NTNG2: variants seen among roughly 807,000 people sequenced by gnomAD.
The protein encoded by NTNG2 is netrin G2, also known as netrin-G2.
Under a neutral mutation model 47.6 loss-of-function variants are expected in NTNG2, and 15 were observed. The ratio of observed to expected loss-of-function variants is 0.32; its 90% CI spans 0.21 to 0.49. NTNG2 has a LOEUF of 0.49. Ranked by LOEUF, NTNG2 falls within the 20% of genes least tolerant of loss-of-function variation. The probability of loss-of-function intolerance (pLI) is 0.99; values close to 1 mark genes in which losing one functional copy is unlikely to be tolerated. For synonymous variants in NTNG2, 307 were observed against 324.6 expected (o/e 0.95, Z 0.58); for missense variants, 578 against 764.6 (o/e 0.76, Z 2.88).
chr9:132,237,393 G>A (rs1008259978), intron 5 of NTNG2, among the ~76,000 whole-genome samples: 10 of 152,182 alleles, frequency 6.6e-5, no homozygotes, highest in Admixed American at 2.0e-4. Context: ...CATGACAGAC[G>A]AAAGAACCTG....
At position 132,182,384 on chromosome 9, in the gene NTNG2, C is replaced by T. The variant is rs1589397153; in HGVS notation, c.213+15340C>T. 6.6e-6 allele frequency among the ~76,000 whole-genome samples: 1 copy of T among 152,174 alleles called. No homozygotes were observed. Among genetic ancestry groups the T allele is most frequent in the African/African-American group, 2.4e-5 (1 of 41,456 alleles). Reference sequence around the variant, plus strand: ...GTCTGCTTGGCACGGGGCAGCCCTACCCTCCTGCCCAGTTCCCCTCCCCTG... The same window carrying T: ...GTCTGCTTGGCACGGGGCAGCCCTATCCTCCTGCCCAGTTCCCCTCCCCTG... On this transcript the variant is annotated intron_variant, in intron 2 of 7. Coordinates refer to ENST00000393229, the MANE Select transcript of NTNG2 (RefSeq NM_032536.4). The surrounding 1 kb of genome is among the most constrained non-coding windows in gnomAD (Gnocchi z 4.2).
rs554788715 is a variant in NTNG2 at position 132,166,759 on chromosome 9, C to T, written c.-73C>T. 1.1e-4 allele frequency: 155 copies of T among 1,444,544 alleles called. No homozygotes were observed. Among genetic ancestry groups the T allele is most frequent in the African/African-American group, 2.2e-4 (16 of 71,704 alleles). 89.5% of individuals were successfully genotyped at this position (1,444,544 alleles called of 1,614,324 possible). A position where few individuals can be genotyped will look rare whatever the true frequency, so the allele number is the denominator to read the frequency against. On this transcript the variant is annotated 5_prime_UTR_variant, in exon 2 of 8. Transcript: ENST00000393229. Reference sequence around the variant, plus strand: ...AGATGTGGCATTTCCATGCTGAGGCCGCGAGTCCCGCCTGACCCCGTCGCT... The same window carrying T: ...AGATGTGGCATTTCCATGCTGAGGCTGCGAGTCCCGCCTGACCCCGTCGCT...
Position 132,241,925 on chromosome 9 carries a change from C to T in NTNG2, c.1407C>T (p.Cys469=). 4.4e-6 allele frequency: 7 copies of T among 1,576,018 alleles called. No individual in the cohort carries two copies. Among genetic ancestry groups the T allele is most frequent in the Non-Finnish European group, 6.0e-6 (7 of 1,168,008 alleles). ...DQLLCQNGGT[C]LQNQRCACPR... The stretch of plus-strand genomic sequence containing the variant: ...TGCTGTGCCAGAACGGAGGCACCTG[C>T]CTGCAGAACCAGCGCTGCGCCTGCC... The change falls in exon 8 of 8, where the codon TGC becomes TGT. Residue 469 remains cysteine (C), a synonymous_variant. Coordinates refer to ENST00000393229, the MANE Select transcript of NTNG2 (RefSeq NM_032536.4).
At chr9:132,177,645 G>A (rs1029848501) in intron 2 of NTNG2, among the ~76,000 whole-genome samples, 5 of 151,912 alleles carry the variant, frequency 3.3e-5, no homozygotes, top group African/African-American at 1.2e-4. Context: ...CAAATCTCTG[G>A]GTTTTTTTGT....
chr9:132,177,818 C>T (rs1380768559), intron 2 of NTNG2, among the ~76,000 whole-genome samples: 2 of 152,158 alleles, frequency 1.3e-5, no homozygotes, highest in African/African-American at 2.4e-5. Context: ...CCAGCACGCC[C>T]AGCTAATTTT....
At chr9:132,185,687 C>A (rs553517718) in intron 2 of NTNG2, among the ~76,000 whole-genome samples, 8 of 152,190 alleles carry the variant, frequency 5.3e-5, no homozygotes, top group African/African-American at 1.9e-4. Flanking sequence ...CTCTCCCGTT[C>A]TTTCATCCTT....
rs113043492 is a variant in NTNG2 at position 132,209,037 on chromosome 9, A to G, written c.857+10428A>G. Among the ~76,000 whole-genome samples, 1,266 of 152,228 alleles carry G rather than the reference A, an allele frequency of 8.3e-3. 18 individuals are homozygous for G. Among genetic ancestry groups the G allele is most frequent in the African/African-American group, 0.028 (1,171 of 41,540 alleles). On this transcript the variant is annotated intron_variant, in intron 3 of 7. Transcript: ENST00000393229. Reference sequence around the variant, plus strand: ...CTCGGGCTCCTCACTCCTGAGTAGGACTGTGCCGTGTGCACTGCACACCGT... The same window carrying G: ...CTCGGGCTCCTCACTCCTGAGTAGGGCTGTGCCGTGTGCACTGCACACCGT...
chr9:132,216,381 C>CCT (rs1199246893), intron 3 of NTNG2, among the ~76,000 whole-genome samples: 4,557 of 120,762 alleles, frequency 0.038, 105 homozygotes, highest in East Asian at 0.073. Flanking sequence ...GCTGACTCAG[C>CCT]CTCTCTCTCT....
In NTNG2 at chr9:132,236,179, G is replaced by A. The variant is rs1468356174; in HGVS notation, c.1055-2925G>A. On this transcript the variant is annotated intron_variant, in intron 5 of 7. Coordinates refer to ENST00000393229, the MANE Select transcript of NTNG2 (RefSeq NM_032536.4). This position sits in a 1 kb window ranked among gnomAD's most constrained non-coding sequence, Gnocchi z 4.3. ...GCCATGAGACCTCGGAGGGTGGACTGTGGTGGGTGAAGGGAGAAGGCAGCA... is the reference window on the plus strand; with the variant it reads ...GCCATGAGACCTCGGAGGGTGGACTATGGTGGGTGAAGGGAGAAGGCAGCA... Among the ~76,000 whole-genome samples the A allele has an allele frequency of 6.6e-6, 1 of 152,368 alleles. No individual in the cohort carries two copies. The highest frequency in any genetic ancestry group is 1.9e-4 in the East Asian group (1 of 5,186).
chr9:132,177,472 G>A lies in NTNG2; in HGVS notation c.213+10428G>A, dbSNP rs77683467. On this transcript the variant is annotated intron_variant, in intron 2 of 7. Coordinates refer to ENST00000393229, the MANE Select transcript of NTNG2 (RefSeq NM_032536.4). ...TTTGATCCATTTTGAGTTAATTTTTGTATCTGGTGTAAGGGAAAAGGTCTA... is the reference window on the plus strand; with the variant it reads ...TTTGATCCATTTTGAGTTAATTTTTATATCTGGTGTAAGGGAAAAGGTCTA... Among the ~76,000 whole-genome samples the A allele has an allele frequency of 1.1e-3, 161 of 152,260 alleles. 5 individuals carry two copies. The East Asian group carries it at 0.03, about 28-fold the overall frequency.
At chr9:132,200,379 A>G (rs1282959629) in intron 3 of NTNG2, among the ~76,000 whole-genome samples, 1 of 152,244 alleles carries the variant, frequency 6.6e-6, no homozygotes, top group African/African-American at 2.4e-5. Context: ...GTAATTCCTG[A>G]CAAGTGGAAA....
intron 3 of NTNG2, among the ~76,000 whole-genome samples, chr9:132,214,946 G>A (rs1331644957): frequency 6.6e-6 from 1 of 151,768 alleles, no homozygotes; most frequent in Non-Finnish European, 1.5e-5. Flanking sequence ...GCACAATCAC[G>A]GCTCACTGCA....
At chr9:132,227,454 G>A (rs1236409789) in intron 4 of NTNG2, among the ~76,000 whole-genome samples, 1 of 152,202 alleles carries the variant, frequency 6.6e-6, no homozygotes, top group Non-Finnish European at 1.5e-5. Flanking sequence ...CCATGGGATG[G>A]CAGGGAGTGA....
In NTNG2 at chr9:132,240,943, A is replaced by G. The variant is rs1841938904; in HGVS notation, c.1256A>G (p.Asp419Gly). The stretch of plus-strand genomic sequence containing the variant: ...TGCAACCAGATAGGCTCCGTGCACG[A>G]CCGGTGCAACGAGACCGGCTTCTGC... ...CNCNQIGSVHDRCNETGFCEC... is the reference protein window; with the variant it reads ...CNCNQIGSVHGRCNETGFCEC... Residue 419 changes from aspartate (D) to glycine (G), a missense_variant, in exon 7 of 8, where the codon GAC becomes GGC. Asp to Gly is a moderately conservative substitution (Grantham distance 94, BLOSUM62 -1). Coordinates refer to ENST00000393229, the MANE Select transcript of NTNG2 (RefSeq NM_032536.4). 6.2e-7 allele frequency: 1 copy of G among 1,612,692 alleles called. No homozygotes were observed. The highest frequency in any genetic ancestry group is 8.5e-7 in the Non-Finnish European group (1 of 1,179,824).
rs1836844621 is a variant in NTNG2, at chr9:132,180,446, C to G, written c.213+13402C>G. ...GCTGTTAATCCAGAACGCACCTTGT[C>G]TCTGCCCCTGTCCCCACCCAGGCAA... On this transcript the variant is annotated intron_variant, in intron 2 of 7. Transcript: ENST00000393229. The surrounding 1 kb of genome is among the most constrained non-coding windows in gnomAD (Gnocchi z 4.2). 6.6e-6 allele frequency among the ~76,000 whole-genome samples: 1 copy of G among 152,234 alleles called. No homozygotes were observed. Among genetic ancestry groups the G allele is most frequent in the South Asian group, 2.1e-4 (1 of 4,830 alleles).
chr9:132,187,592 AGAGAGG>A (rs1210003502), intron 2 of NTNG2, among the ~76,000 whole-genome samples: 13 of 133,462 alleles, frequency 9.7e-5, no homozygotes, highest in Non-Finnish European at 1.6e-4. Context: ...AGAGAGAGAG[AGAGAGG>A]GACAGAAAAC....
rs1188931650 is a variant in NTNG2, at chr9:132,218,285, T to C, written c.858-8564T>C. Among the ~76,000 whole-genome samples the C allele has an allele frequency of 2.6e-5, 4 of 152,174 alleles. No homozygotes were observed. The highest frequency in any genetic ancestry group is 9.7e-5 in the African/African-American group (4 of 41,444). On this transcript the variant is annotated intron_variant, in intron 3 of 7. Coordinates refer to ENST00000393229, the MANE Select transcript of NTNG2 (RefSeq NM_032536.4). This position sits in a 1 kb window ranked among gnomAD's most constrained non-coding sequence, Gnocchi z 5.4. ...AGCTGTGGAACCTCAGGCAGCTCAC[T>C]TCACCACCCCAAGTCTCAGTTTCCC...
At position 132,226,996 on chromosome 9, in the gene NTNG2, G is replaced by T; in HGVS notation, c.1005G>T (p.Pro335=). The T allele has an allele frequency of 1.2e-6, 2 of 1,608,360 alleles. No individual in the cohort carries two copies. Among genetic ancestry groups the T allele is most frequent in the Non-Finnish European group, 1.7e-6 (2 of 1,178,940 alleles). ...TRSWRAGSYL[P]LPHGSPNACA... ...CCTGGCGGGCCGGCTCCTACCTGCCGCTGCCCCATGGCTCTCCCAACGCCT... is the reference window on the plus strand; with the variant it reads ...CCTGGCGGGCCGGCTCCTACCTGCCTCTGCCCCATGGCTCTCCCAACGCCT... The change falls in exon 4 of 8, where the codon CCG becomes CCT. Residue 335 remains proline, a synonymous_variant. Coordinates refer to ENST00000393229, the MANE Select transcript of NTNG2 (RefSeq NM_032536.4). The surrounding 1 kb of genome is among the most constrained non-coding windows in gnomAD (Gnocchi z 4.8).
At position 132,180,862 on chromosome 9, in the gene NTNG2, G is replaced by A. The variant is rs1043922938; in HGVS notation, c.213+13818G>A. Among the ~76,000 whole-genome samples the A allele has an allele frequency of 6.6e-6, 1 of 152,168 alleles. No individual in the cohort carries two copies. The highest frequency in any genetic ancestry group is 1.5e-5 in the Non-Finnish European group (1 of 68,036). ...TCCATGGTGCTCTTCCTAGAACCAC[G>A]CATGTGCACACGTGTGTGCAAACAC... On this transcript the variant is annotated intron_variant, in intron 2 of 7. Coordinates refer to ENST00000393229, the MANE Select transcript of NTNG2 (RefSeq NM_032536.4). The surrounding 1 kb of genome is among the most constrained non-coding windows in gnomAD (Gnocchi z 4.2).
Sources: allele counts gnomAD v4.1 joint callset (sites outside exome capture counted in the v4.1 genomes callset), GRCh38; gene constraint gnomAD v4.1.1; non-coding constraint Gnocchi (gnomAD v3.1); transcripts MANE v1.5; gene names NCBI Gene and HGNC (gene_info 2026-07-23, HGNC 2026-07-21).